The following PTPRM variants were observed in gnomAD, a reference collection of about 807,000 sequenced individuals.
PTPRM encodes the protein receptor-type tyrosine-protein phosphatase mu.
Under a neutral mutation model 186.7 loss-of-function variants are expected in PTPRM, and 47 were observed. That is an observed-to-expected ratio of 0.25 (90% CI 0.20 to 0.32). The LOEUF (loss-of-function observed/expected upper bound fraction) is 0.32. PTPRM is among the 10% of genes least tolerant of loss of function. The pLI, the probability that PTPRM is intolerant of heterozygous loss-of-function variation, is 1.00. For missense variants in PTPRM, 1,494 were observed against 1,865.0 expected (o/e 0.80, Z 3.66); for synonymous variants, 668 against 674.9 (o/e 0.99, Z 0.16).
intron 7 of PTPRM, among the ~76,000 whole-genome samples, chr18:7,965,905 G>C (rs1349319283): frequency 6.6e-6 from 1 of 152,148 alleles, no homozygotes; most frequent in African/African-American, 2.4e-5. Context: ...CTGGCCTCCA[G>C]TTAGGACTTG....
chr18:7,644,674 G>A (rs1240920754), intron 1 of PTPRM, among the ~76,000 whole-genome samples: 3 of 152,100 alleles, frequency 2.0e-5, no homozygotes, highest in Admixed American at 6.5e-5. Flanking sequence ...TTGCACTAGG[G>A]TAAGCAAGCC....
At chr18:7,573,985 G>T (rs941963633) in intron 1 of PTPRM, among the ~76,000 whole-genome samples, 1 of 152,144 alleles carries the variant, frequency 6.6e-6, no homozygotes, top group Non-Finnish European at 1.5e-5. Context: ...CCCTGAATCC[G>T]CAACCCTGGG....
chr18:7,897,306 G>A (rs1189869204), intron 3 of PTPRM, among the ~76,000 whole-genome samples: 3 of 152,136 alleles, frequency 2.0e-5, no homozygotes, highest in Non-Finnish European at 4.4e-5. Context: ...ACTGATATGT[G>A]CCAGTTGAAA....
intron 2 of PTPRM, among the ~76,000 whole-genome samples, chr18:7,832,148 G>A (rs2145732068): frequency 6.6e-6 from 1 of 152,272 alleles, no homozygotes; most frequent in South Asian, 2.1e-4. Context: ...TATGTGCAGT[G>A]GGATTGCTGG....
chr18:7,715,093 A>G (rs950820960), intron 1 of PTPRM, among the ~76,000 whole-genome samples: 4 of 152,210 alleles, frequency 2.6e-5, no homozygotes, highest in African/African-American at 9.6e-5. Flanking sequence ...ATGAACATCG[A>G]TGCGAAAATC....
At chr18:8,215,145 A>C (rs1415495636) in intron 14 of PTPRM, among the ~76,000 whole-genome samples, 3 of 152,238 alleles carry the variant, frequency 2.0e-5, no homozygotes, top group African/African-American at 7.2e-5. Flanking sequence ...TTGAGGGACA[A>C]CATTGGGAAG....
At chr18:7,818,200 T>C (rs1050932927) in intron 2 of PTPRM, among the ~76,000 whole-genome samples, 1 of 152,244 alleles carries the variant, frequency 6.6e-6, no homozygotes. Context: ...TCTCTACTAA[T>C]TTAGTTTTTT....
chr18:8,096,830 G>A (rs2091039102), intron 11 of PTPRM, among the ~76,000 whole-genome samples: 2 of 152,192 alleles, frequency 1.3e-5, no homozygotes, highest in Non-Finnish European at 2.9e-5. Context: ...GACTATAGAT[G>A]CCTCACTTTC....
Position 7,846,559 on chromosome 18 carries a change from G to A in PTPRM, c.197-41547G>A, listed in dbSNP as rs16952578. On this transcript the variant is annotated intron_variant, in intron 2 of 32. Coordinates refer to ENST00000580170, the MANE Select transcript of PTPRM (RefSeq NM_001105244.2). Reference sequence around the variant, plus strand: ...GGCCCTCTCCCGTGCTTCTGTAGCCGGGAATTATGCACAGCATGGTTGTTA... The same window carrying A: ...GGCCCTCTCCCGTGCTTCTGTAGCCAGGAATTATGCACAGCATGGTTGTTA... Among the ~76,000 whole-genome samples, 1,033 of 152,304 alleles carry A rather than the reference G, an allele frequency of 6.8e-3. 6 individuals carry two copies. The highest frequency in any genetic ancestry group is 0.017 in the Middle Eastern group (5 of 294).
At chr18:7,991,335 T>C (rs1456224638) in intron 7 of PTPRM, among the ~76,000 whole-genome samples, 2 of 152,038 alleles carry the variant, frequency 1.3e-5, no homozygotes, top group African/African-American at 4.8e-5. Flanking sequence ...ACCAGTAATG[T>C]CAATGGAACT....
At chr18:8,172,476 G>C (rs1159012407) in intron 14 of PTPRM, among the ~76,000 whole-genome samples, 1 of 152,024 alleles carries the variant, frequency 6.6e-6, no homozygotes, top group Non-Finnish European at 1.5e-5. Flanking sequence ...ACCTGTCTCA[G>C]AATCATCCGG....
chr18:7,895,050 A>T (rs1433564771), intron 3 of PTPRM, among the ~76,000 whole-genome samples: 11 of 152,226 alleles, frequency 7.2e-5, no homozygotes, highest in Admixed American at 7.2e-4. Context: ...TTGTTTGCAC[A>T]TGGGCAGCAT....
intron 13 of PTPRM, among the ~76,000 whole-genome samples, chr18:8,143,266 C>T (rs1012764441): frequency 1.1e-4 from 16 of 152,012 alleles, no homozygotes; most frequent in African/African-American, 3.9e-4. Context: ...AATGTTCCAG[C>T]AAATCAAATT....
intron 32 of PTPRM, chr18:8,403,070 C>T (rs1311578414): frequency 6.6e-6 from 1 of 152,074 alleles, no homozygotes; most frequent in Non-Finnish European, 1.5e-5. Flanking sequence ...TGTTTTATGA[C>T]CAGAGGGGAA....
chr18:7,717,556 A>G (rs1373591973), intron 1 of PTPRM, among the ~76,000 whole-genome samples: 3 of 152,198 alleles, frequency 2.0e-5, no homozygotes, highest in South Asian at 2.1e-4. Flanking sequence ...ATTAGTGTAG[A>G]TACAAAAGGC....
intron 7 of PTPRM, among the ~76,000 whole-genome samples, chr18:8,031,940 A>C (rs377588265): frequency 1.6e-4 from 25 of 152,358 alleles, no homozygotes; most frequent in African/African-American, 5.8e-4. Flanking sequence ...TACAGTGACC[A>C]TCAGTGTCTT....
intron 14 of PTPRM, among the ~76,000 whole-genome samples, chr18:8,173,205 C>T (rs1180867641): frequency 6.6e-6 from 1 of 152,134 alleles, no homozygotes; most frequent in Non-Finnish European, 1.5e-5. Flanking sequence ...TGGGTAAAGG[C>T]TTCACAAGCT....
chr18:7,961,739 A>T (rs917264105), intron 7 of PTPRM, among the ~76,000 whole-genome samples: 21 of 152,228 alleles, frequency 1.4e-4, no homozygotes, highest in Non-Finnish European at 2.6e-4. Flanking sequence ...AGTCTTTAAT[A>T]AATGTGATGT....
chr18:7,927,432 G>A (rs1365819358), intron 5 of PTPRM, among the ~76,000 whole-genome samples: 1 of 149,452 alleles, frequency 6.7e-6, no homozygotes. Flanking sequence ...CTTGAGTGGT[G>A]TTGATTTTTT....
Sources: allele counts gnomAD v4.1 joint callset (sites outside exome capture counted in the v4.1 genomes callset), GRCh38; gene constraint gnomAD v4.1.1; transcripts MANE v1.5; gene names NCBI Gene and HGNC (gene_info 2026-07-23, HGNC 2026-07-21).